Variants in ADAM2 observed in about 807,000 individuals in gnomAD.
ADAM2 encodes disintegrin and metalloproteinase domain-containing protein 2.
A neutral mutation model predicts 99.3 loss-of-function variants in ADAM2; 101 were observed. That is an observed-to-expected ratio of 1.02 (90% CI 0.87 to 1.20). The LOEUF is 1.20. Ranked by LOEUF, ADAM2 falls within the 50% of genes most tolerant of loss-of-function variation. The pLI, the probability that ADAM2 is intolerant of heterozygous loss-of-function variation, is 0.00. For missense variants in ADAM2, 948 were observed against 878.7 expected (o/e 1.08, Z -1.00); for synonymous variants, 323 against 287.6 (o/e 1.12, Z -1.25).
chr8:39,749,285 A>T, intron 18 of ADAM2, 27 bp downstream of exon 18: 2 of 1,558,166 alleles, frequency 1.3e-6, no homozygotes, highest in Non-Finnish European at 1.7e-6. Flanking sequence ...TGTTTTAATT[A>T]TTTTCTGATT....
At chr8:39,782,776 CA>C (rs1803287927) in intron 10 of ADAM2, among the ~76,000 whole-genome samples, 1 of 152,016 alleles carries the variant, frequency 6.6e-6, no homozygotes, top group Non-Finnish European at 1.5e-5. Flanking sequence ...ATAAGATACC[CA>C]TTTTGGTAGG....
At chr8:39,763,449 T>C (rs1267961803) in intron 14 of ADAM2, among the ~76,000 whole-genome samples, 2 of 152,226 alleles carry the variant, frequency 1.3e-5, no homozygotes, top group Non-Finnish European at 2.9e-5. Flanking sequence ...TTTGTGTCCT[T>C]GGAGTGACCT....
chr8:39,809,212 T>C (rs1471494979), intron 7 of ADAM2, among the ~76,000 whole-genome samples, 198 bp downstream of exon 7: 1 of 152,196 alleles, frequency 6.6e-6, no homozygotes, highest in Non-Finnish European at 1.5e-5. Flanking sequence ...ATTATTTTCT[T>C]TATGTTGCTA....
chr8:39,819,182 TA>T (rs1261365898), intron 6 of ADAM2, among the ~76,000 whole-genome samples: 1 of 152,014 alleles, frequency 6.6e-6, no homozygotes, highest in Non-Finnish European at 1.5e-5. Context: ...AGAGTAGACA[TA>T]AAGATTAATG....
Position 39,794,857 on chromosome 8 carries a change from G to A in ADAM2, c.571-6117C>T, listed in dbSNP as rs375160038. ...AATAAACCGCTTCCTTCTTTAACTC[G>A]GTGTCTGAGGGGTTTTGTCTGCGGC... is the stretch of plus-strand genomic sequence containing the variant. On this transcript the variant is annotated intron_variant, in intron 7 of 20. Coordinates refer to ENST00000265708, the MANE Select transcript of ADAM2 (RefSeq NM_001464.5). Among the ~76,000 whole-genome samples the A allele has an allele frequency of 1.6e-3, 237 of 152,092 alleles. 1 individual carries two copies. Among genetic ancestry groups the A allele is most frequent in the Non-Finnish European group, 2.6e-3 (177 of 67,982 alleles).
chr8:39,768,461 C>T (rs907387647), intron 12 of ADAM2, among the ~76,000 whole-genome samples: 1 of 152,090 alleles, frequency 6.6e-6, no homozygotes, highest in Non-Finnish European at 1.5e-5. Flanking sequence ...GCTCTCCTCA[C>T]CTCCCTTCAA....
chr8:39,763,650 T>C (rs1425834005), intron 14 of ADAM2, among the ~76,000 whole-genome samples: 1 of 152,050 alleles, frequency 6.6e-6, no homozygotes, highest in African/African-American at 2.4e-5. Flanking sequence ...TAAAGGGAGT[T>C]TCCTCAATGC....
At chr8:39,748,787 C>T (rs1823580570) in intron 18 of ADAM2, among the ~76,000 whole-genome samples, 1 of 152,128 alleles carries the variant, frequency 6.6e-6, no homozygotes, top group African/African-American at 2.4e-5. Context: ...ATTATTCCCC[C>T]TTCCTCTCCA....
At chr8:39,774,785 A>G (rs916416783) in intron 11 of ADAM2, 2 of 152,158 alleles carry the variant, frequency 1.3e-5, no homozygotes, top group African/African-American at 4.8e-5. Flanking sequence ...CAACTATTGT[A>G]ATCATTATAA....
At chr8:39,833,237 G>T (rs12335159) in intron 3 of ADAM2, among the ~76,000 whole-genome samples, 4,646 of 151,874 alleles carry the variant, frequency 0.031, 169 homozygotes, top group African/African-American at 0.083. Flanking sequence ...AACTAGTACC[G>T]TCCATCTTAT....
In ADAM2 at chr8:39,749,647, C is replaced by T. The variant is rs370136259; in HGVS notation, c.1875+20G>A. The T allele has an allele frequency of 1.0e-5, 16 of 1,593,066 alleles. No individual in the cohort carries two copies. In the African/African-American group the frequency reaches 2.0e-4, roughly 20 times the overall value. On this transcript the variant is annotated intron_variant, in intron 17 of 20. Transcript: ENST00000265708. ...TAGGCTCAATGATTTCTATTTTCAC[C>T]TCATAGTACTGCTACTTACACCTCT...
chr8:39,776,767 A>T (rs1803006300), intron 11 of ADAM2, among the ~76,000 whole-genome samples: 1 of 152,154 alleles, frequency 6.6e-6, no homozygotes, highest in African/African-American at 2.4e-5. Context: ...CAAATTATGC[A>T]TCAAATTGTA....
intron 19 of ADAM2, 58 bp from the exon 20 acceptor site, chr8:39,744,951 C>A: frequency 7.5e-7 from 1 of 1,332,318 alleles, no homozygotes; most frequent in South Asian, 1.3e-5. Context: ...TTACAAACCT[C>A]TGTATTATCT....
rs866659704 is a variant in ADAM2, at chr8:39,758,986, A to G, written c.1613+2190T>C. Among the ~76,000 whole-genome samples the G allele has an allele frequency of 6.5e-4, 99 of 152,276 alleles. No homozygotes were observed. The Middle Eastern group carries it at 0.01, about 16-fold the overall frequency. Reference sequence around the variant, plus strand: ...CAGTACATTTCTAGATAATAAAGGCAAAGTCAATAATACAGTTAGAAAATC... The same window carrying G: ...CAGTACATTTCTAGATAATAAAGGCGAAGTCAATAATACAGTTAGAAAATC... On this transcript the variant is annotated intron_variant, in intron 15 of 20. Transcript: ENST00000265708.
At chr8:39,803,454 C>G (rs533567791) in intron 7 of ADAM2, among the ~76,000 whole-genome samples, 1 of 152,238 alleles carries the variant, frequency 6.6e-6, no homozygotes, top group East Asian at 1.9e-4. Flanking sequence ...AATATAATGA[C>G]GTTCCCTCTG....
chr8:39,771,462 T>G (rs1802776922), intron 11 of ADAM2, among the ~76,000 whole-genome samples: 1 of 152,194 alleles, frequency 6.6e-6, no homozygotes, highest in Non-Finnish European at 1.5e-5. Flanking sequence ...AGTTTAATTT[T>G]GTTATAATTT....
chr8:39,748,962 C>G (rs996300523), intron 18 of ADAM2, among the ~76,000 whole-genome samples: 2 of 152,114 alleles, frequency 1.3e-5, no homozygotes, highest in Non-Finnish European at 2.9e-5. Flanking sequence ...ATTGTCCCTA[C>G]AACCCTAAAA....
intron 11 of ADAM2, among the ~76,000 whole-genome samples, chr8:39,771,559 T>A (rs1301895017): frequency 2.6e-5 from 4 of 152,184 alleles, no homozygotes; most frequent in Non-Finnish European, 4.4e-5. Context: ...TTAATAGGAA[T>A]GTGATGAGTT....
intron 3 of ADAM2, among the ~76,000 whole-genome samples, chr8:39,828,412 CTAAAAGAAGAG>C (rs2129588930): frequency 6.6e-6 from 1 of 150,540 alleles, no homozygotes; most frequent in South Asian, 2.1e-4. Flanking sequence ...AGAGAAACTA[CTAAAAGAAGAG>C]TAAAAGAATG....
Sources: allele counts gnomAD v4.1 joint callset (sites outside exome capture counted in the v4.1 genomes callset), GRCh38; gene constraint gnomAD v4.1.1; transcripts MANE v1.5; gene names NCBI Gene and HGNC (gene_info 2026-07-23, HGNC 2026-07-21).